LOC128125822: variants seen among roughly 807,000 people sequenced by gnomAD.
the LOC128125822 span, chr6:63,579,369 C>T: frequency 4.7e-6 from 7 of 1,482,758 alleles, no homozygotes; most frequent in African/African-American, 7.1e-5. Flanking sequence ...TACTCTCTTT[C>T]ATTTCCTTGT....
At chr6:63,578,660 T>G in the LOC128125822 span, 2 of 1,326,090 alleles carry the variant, frequency 1.5e-6, no homozygotes, top group South Asian at 3.1e-5. Flanking sequence ...ATTATATTAT[T>G]GTGCAGAATC....
the LOC128125822 span, chr6:63,581,165 C>G: frequency 6.6e-6 from 1 of 151,502 alleles, no homozygotes; most frequent in Admixed American, 6.6e-5. Context: ...TTCCCAACCT[C>G]TCTTGCAAAA....
chr6:63,583,006 A>C, the LOC128125822 span: 4 of 152,196 alleles, frequency 2.6e-5, no homozygotes, highest in Admixed American at 6.5e-5. Flanking sequence ...TGTCATATTC[A>C]TCTGGTAAAT....
the LOC128125822 span, chr6:63,578,469 A>C: frequency 6.2e-7 from 1 of 1,610,438 alleles, no homozygotes; most frequent in African/African-American, 1.3e-5. Flanking sequence ...CCACAATAGT[A>C]AGAGTATGTG....
the LOC128125822 span, chr6:63,573,449 G>C: frequency 6.6e-6 from 1 of 152,078 alleles, no homozygotes; most frequent in Non-Finnish European, 1.5e-5. Context: ...AAATGGCCTC[G>C]GCGCCCGCGC....
At chr6:63,577,018 GATTGCAATATAATAGTGGGACTT>G in the LOC128125822 span, 1 of 1,529,230 alleles carries the variant, frequency 6.5e-7, no homozygotes, top group Non-Finnish European at 9.0e-7. Flanking sequence ...AGCTTAAATT[GATTGCAATATAATAGTGGGACTT>G]ATAGCTAACA....
At chr6:63,580,112 C>T in the LOC128125822 span, 1 of 1,613,332 alleles carries the variant, frequency 6.2e-7, no homozygotes, top group South Asian at 1.1e-5. Context: ...GAAGTATCGT[C>T]CTAAAATGCG....
the LOC128125822 span, chr6:63,580,743 T>A: frequency 2.6e-5 from 4 of 152,430 alleles, no homozygotes; most frequent in Non-Finnish European, 5.9e-5. Context: ...TTTTTTTTTT[T>A]ACCAAGTCTT....
the LOC128125822 span, chr6:63,578,367 A>C: frequency 6.7e-7 from 1 of 1,496,334 alleles, no homozygotes; most frequent in Non-Finnish European, 8.9e-7. Context: ...AGAGATGATC[A>C]GAATATAAAA....
chr6:63,578,422 G>A, the LOC128125822 span: 1 of 1,595,472 alleles, frequency 6.3e-7, no homozygotes, highest in Non-Finnish European at 8.5e-7. Context: ...TTTTTTTAAT[G>A]TACGTTTTAT....
At chr6:63,579,458 A>G in the LOC128125822 span, 3 of 610,960 alleles carry the variant, frequency 4.9e-6, no homozygotes, top group Admixed American at 1.2e-4. Context: ...AAAACCAGGA[A>G]ATCAAGATCT....
the LOC128125822 span, among the ~76,000 whole-genome samples, chr6:63,574,583 A>T: frequency 4.6e-5 from 7 of 152,244 alleles, no homozygotes; most frequent in African/African-American, 1.7e-4. Context: ...GTGCTTACTT[A>T]CATGAAGGGA....
the LOC128125822 span, chr6:63,579,908 G>A: frequency 1.6e-6 from 1 of 635,924 alleles, no homozygotes; most frequent in Non-Finnish European, 2.8e-6. Context: ...ACACTGATGT[G>A]CCTGTTCATA....
chr6:63,576,843 T>C, the LOC128125822 span: 1 of 1,523,926 alleles, frequency 6.6e-7, no homozygotes, highest in Non-Finnish European at 9.0e-7. Flanking sequence ...TTTTTAATTA[T>C]TTCATAACCC....
At chr6:63,574,401 T>C in the LOC128125822 span, among the ~76,000 whole-genome samples, 32 of 152,242 alleles carry the variant, frequency 2.1e-4, no homozygotes, top group Middle Eastern at 3.4e-3. Context: ...GTTTTTCCTG[T>C]GGGTAGGAGA....
the LOC128125822 span, chr6:63,578,315 A>G: frequency 2.5e-6 from 3 of 1,189,370 alleles, no homozygotes; most frequent in Non-Finnish European, 3.3e-6. Flanking sequence ...GGATTCTAGC[A>G]TTCTTTAAAT....
chr6:63,575,256 TGA>T, the LOC128125822 span, among the ~76,000 whole-genome samples: 2 of 152,164 alleles, frequency 1.3e-5, no homozygotes, highest in African/African-American at 2.4e-5. Flanking sequence ...ACTTTGGTAA[TGA>T]GAGTACACAT....
chr6:63,581,220 T>G, the LOC128125822 span: 1 of 152,586 alleles, frequency 6.6e-6, no homozygotes, highest in Non-Finnish European at 1.5e-5. Flanking sequence ...CATCTAATAT[T>G]TTATATGCCT....
chr6:63,575,387 C>CT, the LOC128125822 span, among the ~76,000 whole-genome samples: 1 of 152,140 alleles, frequency 6.6e-6, no homozygotes, highest in Admixed American at 6.5e-5. Flanking sequence ...TGGAAGAAGA[C>CT]TGATTATTAA....
Sources: allele counts gnomAD v4.1 joint callset (sites outside exome capture counted in the v4.1 genomes callset), GRCh38; gene constraint gnomAD v4.1.1; transcripts MANE v1.5.